SCTR: variants seen among roughly 807,000 people sequenced by gnomAD.
SCTR encodes pancreatic secretin receptor.
Under a neutral mutation model 60.8 loss-of-function variants are expected in SCTR, and 56 were observed. The observed-to-expected ratio is 0.92, with a 90% CI of 0.74 to 1.15. SCTR has a LOEUF of 1.15. SCTR is among the 50% of genes most tolerant of loss of function. SCTR has a pLI of 0.00. For synonymous variants in SCTR, 202 were observed against 217.0 expected, an observed-to-expected ratio of 0.93 and a Z score of 0.61; for missense variants, 562 against 550.4, an observed-to-expected ratio of 1.02 and a Z score of -0.21.
intron 1 of SCTR, among the ~76,000 whole-genome samples, chr2:119,521,185 G>A (rs900667841): frequency 6.6e-6 from 1 of 152,188 alleles, no homozygotes; most frequent in Non-Finnish European, 1.5e-5. Flanking sequence ...CAAATTGGCA[G>A]TTTGCCAAAT....
At position 119,466,139 on chromosome 2, in the gene SCTR, T is replaced by C. The variant is rs368921087; in HGVS notation, c.406-253A>G. ...CCAATTCAAACTTCCATCTTATGTA[T>C]AGGGCCCCTTACCAACTCTCTGAAT... On this transcript the variant is annotated intron_variant, in intron 4 of 12. Transcript: ENST00000019103. 2.6e-5 allele frequency among the ~76,000 whole-genome samples: 4 copies of C among 152,176 alleles called. No individual in the cohort carries two copies. In the East Asian group the frequency reaches 7.7e-4, roughly 29 times the overall value.
chr2:119,500,826 C>T (rs1273065404), intron 1 of SCTR, among the ~76,000 whole-genome samples: 7 of 152,110 alleles, frequency 4.6e-5, no homozygotes, highest in East Asian at 1.9e-4. Context: ...AGTAGGGTGA[C>T]TATAGTTTAA....
At chr2:119,512,305 TCTTCCCCTTCCCCTTCCC>T (rs70947298) in intron 1 of SCTR, among the ~76,000 whole-genome samples, 1 of 114,802 alleles carries the variant, frequency 8.7e-6, no homozygotes. Flanking sequence ...TTCCTCTTCC[TCTTCCCCTTCCCCTTCCC>T]CTTCCCCTTC....
intron 2 of SCTR, among the ~76,000 whole-genome samples, chr2:119,485,192 C>G (rs1033889426): frequency 3.3e-5 from 5 of 152,232 alleles, no homozygotes; most frequent in African/African-American, 1.2e-4. Flanking sequence ...GAAATGTCTG[C>G]CATCCCAGGA....
chr2:119,512,323 C>T (rs1487851980), intron 1 of SCTR, among the ~76,000 whole-genome samples: 2 of 61,858 alleles, frequency 3.2e-5, no homozygotes, highest in African/African-American at 1.5e-4. Context: ...TTCCCCTTCC[C>T]CTTCCCCTTC....
chr2:119,505,230 CAT>C (rs919051062), intron 1 of SCTR, among the ~76,000 whole-genome samples: 1 of 148,026 alleles, frequency 6.8e-6, no homozygotes, highest in African/African-American at 2.5e-5. Context: ...CACATGCACA[CAT>C]ATGTTTATTG....
chr2:119,463,543 T>G, intron 6 of SCTR, among the ~76,000 whole-genome samples: 1 of 152,168 alleles, frequency 6.6e-6, no homozygotes, highest in East Asian at 1.9e-4. Flanking sequence ...GTGGACTGCT[T>G]ACGTAGGAAA....
intron 5 of SCTR, 137 bp downstream of exon 5, chr2:119,465,652 A>G (rs1350600006): frequency 9.4e-6 from 6 of 637,210 alleles, no homozygotes; most frequent in East Asian, 5.4e-5. Context: ...ATGTTTTGCC[A>G]TAGGTCAGCT....
At chr2:119,475,907 G>A (rs1232678437) in intron 3 of SCTR, among the ~76,000 whole-genome samples, 1 of 151,862 alleles carries the variant, frequency 6.6e-6, no homozygotes, top group Non-Finnish European at 1.5e-5. Flanking sequence ...GGGGAATTGT[G>A]TTTTTTAATA....
At chr2:119,456,387 AATGAATTAG>A (rs1204006892) in intron 7 of SCTR, among the ~76,000 whole-genome samples, 1 of 152,056 alleles carries the variant, frequency 6.6e-6, no homozygotes, top group Non-Finnish European at 1.5e-5. Flanking sequence ...CCAGCAAAAT[AATGAATTAG>A]GTATGAAGGT....
At chr2:119,507,673 T>TTTTTTC in intron 1 of SCTR, among the ~76,000 whole-genome samples, 1 of 129,038 alleles carries the variant, frequency 7.7e-6, no homozygotes, top group East Asian at 3.9e-4. Flanking sequence ...CTTTTTTTTT[T>TTTTTTC]TTTTTTCTTT....
intron 1 of SCTR, among the ~76,000 whole-genome samples, chr2:119,501,349 G>T (rs910592996): frequency 6.6e-6 from 1 of 151,896 alleles, no homozygotes; most frequent in Non-Finnish European, 1.5e-5. Context: ...GGTGGAGCTT[G>T]CAGTAAGCCG....
intron 11 of SCTR, among the ~76,000 whole-genome samples, chr2:119,446,550 C>G (rs56371221): frequency 0.018 from 2,795 of 152,274 alleles, 44 homozygotes; most frequent in Middle Eastern, 0.048. Flanking sequence ...GTCTCTCTGT[C>G]TCTCTTAGTT....
intron 2 of SCTR, among the ~76,000 whole-genome samples, chr2:119,483,615 T>C (rs899156904): frequency 2.0e-5 from 3 of 152,240 alleles, no homozygotes; most frequent in African/African-American, 7.2e-5. Flanking sequence ...TGCTTTTGGC[T>C]GGTACATGGT....
intron 1 of SCTR, among the ~76,000 whole-genome samples, chr2:119,507,929 G>A (rs1026333425): frequency 2.0e-5 from 3 of 151,828 alleles, no homozygotes; most frequent in African/African-American, 2.4e-5. Flanking sequence ...TGCCCATCTC[G>A]GCCTCCCAAA....
At chr2:119,499,974 C>T (rs931781338) in intron 1 of SCTR, among the ~76,000 whole-genome samples, 2 of 152,010 alleles carry the variant, frequency 1.3e-5, no homozygotes, top group South Asian at 4.1e-4. Context: ...CATACATATA[C>T]ATAAGACACT....
At chr2:119,476,019 G>A (rs1005686516) in intron 3 of SCTR, among the ~76,000 whole-genome samples, 2 of 152,074 alleles carry the variant, frequency 1.3e-5, no homozygotes, top group South Asian at 2.1e-4. Context: ...GGGCAGAATC[G>A]GCCTGCGGTT....
chr2:119,460,418 G>A (rs1377809040), intron 7 of SCTR, among the ~76,000 whole-genome samples: 2 of 146,120 alleles, frequency 1.4e-5, no homozygotes, highest in Non-Finnish European at 3.0e-5. Flanking sequence ...GTGGGTGGAT[G>A]TGTGCATGGG....
At chr2:119,453,453 G>T in intron 7 of SCTR, 106 bp from the exon 8 acceptor site, 1 of 855,368 alleles carries the variant, frequency 1.2e-6, no homozygotes, top group Non-Finnish European at 1.9e-6. Context: ...CTGAGCAGGT[G>T]CCAAGATTTG....
Sources: gnomAD v4.1 joint callset for allele counts (sites outside exome capture counted in the v4.1 genomes callset) on GRCh38, gnomAD v4.1.1 for gene constraint, MANE v1.5 for transcripts, NCBI Gene and HGNC (gene_info 2026-07-23, HGNC 2026-07-21) for gene names.